CD2AP: variants seen among roughly 807,000 people sequenced by gnomAD.
CD2AP encodes the protein CD2 associated protein.
A neutral mutation model predicts 85.1 loss-of-function variants in CD2AP; 46 were observed. The ratio of observed to expected loss-of-function variants is 0.54; its 90% CI spans 0.43 to 0.69. The LOEUF (loss-of-function observed/expected upper bound fraction) is 0.69. Among genes scored for constraint, CD2AP ranks in the 30% least tolerant of loss-of-function variants. CD2AP has a pLI of 0.00. For synonymous variants in CD2AP, 255 were observed against 252.9 expected (o/e 1.01, Z -0.08); for missense variants, 769 against 729.5 (o/e 1.05, Z -0.62).
chr6:47,581,902 T>C lies in CD2AP; in HGVS notation c.1046-101T>C, dbSNP rs187630934. The C allele has an allele frequency of 1.9e-4, 153 of 792,356 alleles. No individual in the cohort carries two copies. The African/African-American group carries it at 2.4e-3, about 13-fold the overall frequency. The allele number at this position is 792,356 out of a possible 1,614,324, so 49.1% of individuals were successfully genotyped here. On this transcript the variant is annotated intron_variant, in intron 10 of 17. Transcript: ENST00000359314. ...TTCTTTCTATTAAACCATGGTTTCA[T>C]CTGATGTTATTTTTCAACTCATCTT...
chr6:47,575,292 T>C (rs1562039531), intron 6 of CD2AP, among the ~76,000 whole-genome samples: 1 of 152,178 alleles, frequency 6.6e-6, no homozygotes, highest in Non-Finnish European at 1.5e-5. Flanking sequence ...ATTCTTGGCA[T>C]TGTGATAGAA....
intron 2 of CD2AP, among the ~76,000 whole-genome samples, chr6:47,530,068 G>C (rs1305880297): frequency 6.6e-6 from 1 of 152,142 alleles, no homozygotes; most frequent in Non-Finnish European, 1.5e-5. Flanking sequence ...TTCTGTCTCA[G>C]TAGAGATGTC....
rs796676110 is a variant in CD2AP at position 47,513,157 on chromosome 6, T to C, written c.165+9717T>C. On this transcript the variant is annotated intron_variant, in intron 2 of 17. Coordinates refer to ENST00000359314, the MANE Select transcript of CD2AP (RefSeq NM_012120.3). ...AATCTGAATACCTTTTTTTTTTTTT[T>C]TTCTTCTTTTAAAGTAACCATCTGT... is the stretch of plus-strand genomic sequence containing the variant. Among the ~76,000 whole-genome samples the C allele has an allele frequency of 6.1e-3, 935 of 152,052 alleles. 10 individuals carry two copies. Among genetic ancestry groups the C allele is most frequent in the East Asian group, 0.041 (212 of 5,178 alleles).
At chr6:47,621,017 G>T (rs1433339593) in intron 17 of CD2AP, among the ~76,000 whole-genome samples, 2 of 152,080 alleles carry the variant, frequency 1.3e-5, no homozygotes, top group East Asian at 3.9e-4. Flanking sequence ...CCTCTTTATT[G>T]ATTTGGATGC....
chr6:47,541,196 T>G (rs1430073368), intron 3 of CD2AP, among the ~76,000 whole-genome samples: 5 of 152,208 alleles, frequency 3.3e-5, no homozygotes, highest in Non-Finnish European at 7.4e-5. Flanking sequence ...CGATCTCAGC[T>G]CACTGCAAGC....
At chr6:47,508,301 C>T (rs544977853) in intron 2 of CD2AP, among the ~76,000 whole-genome samples, 19 of 152,346 alleles carry the variant, frequency 1.2e-4, no homozygotes, top group African/African-American at 3.8e-4. Flanking sequence ...CTTGTTGCAG[C>T]TTCTCTGTCA....
chr6:47,552,695 A>G (rs865991032), intron 4 of CD2AP, among the ~76,000 whole-genome samples: 13 of 152,156 alleles, frequency 8.5e-5, no homozygotes, highest in African/African-American at 3.1e-4. Context: ...GGTTCCAGGT[A>G]TAGGTAATAG....
chr6:47,613,889 A>T (rs1211786902), intron 17 of CD2AP, among the ~76,000 whole-genome samples: 1 of 152,218 alleles, frequency 6.6e-6, no homozygotes, highest in East Asian at 1.9e-4. Flanking sequence ...AACTTGCTGC[A>T]GCTTCTACAT....
At chr6:47,516,063 G>T (rs986627982) in intron 2 of CD2AP, among the ~76,000 whole-genome samples, 12 of 152,138 alleles carry the variant, frequency 7.9e-5, no homozygotes, top group African/African-American at 2.9e-4. Flanking sequence ...TGGAAATTTT[G>T]CTGAAAACCA....
intron 2 of CD2AP, among the ~76,000 whole-genome samples, chr6:47,522,711 AT>A (rs1358386495): frequency 2.6e-5 from 4 of 151,972 alleles, no homozygotes; most frequent in African/African-American, 9.7e-5. Flanking sequence ...ATTTCTAGCA[AT>A]TTTTTTCTCT....
At chr6:47,511,876 A>G (rs1323349516) in intron 2 of CD2AP, among the ~76,000 whole-genome samples, 3 of 94,884 alleles carry the variant, frequency 3.2e-5, no homozygotes, top group African/African-American at 1.1e-4. Flanking sequence ...AAATACAAAA[A>G]ATTGGCCGGG....
intron 11 of CD2AP, among the ~76,000 whole-genome samples, chr6:47,583,140 T>C (rs575168292): frequency 7.9e-5 from 12 of 152,156 alleles, no homozygotes; most frequent in Admixed American, 3.9e-4. Flanking sequence ...CACAGCAAAA[T>C]TGAGCCAAAA....
intron 17 of CD2AP, among the ~76,000 whole-genome samples, chr6:47,623,227 A>G (rs1279967753): frequency 6.6e-6 from 1 of 152,220 alleles, no homozygotes; most frequent in Non-Finnish European, 1.5e-5. Context: ...CTTTTTGACT[A>G]TGGCAAAGTC....
chr6:47,522,724 C>T lies in CD2AP; in HGVS notation c.166-10878C>T, dbSNP rs150548816. ...AAATTTCTAGCAATTTTTTTCTCTT[C>T]GTTTAGAATACAGGTTTTTAAAAAA... On this transcript the variant is annotated intron_variant, in intron 2 of 17. Transcript: ENST00000359314. Among the ~76,000 whole-genome samples, 436 of 151,654 alleles carry T rather than the reference C, an allele frequency of 2.9e-3. 1 individual carries two copies. Among genetic ancestry groups the T allele is most frequent in the African/African-American group, 9.7e-3 (403 of 41,382 alleles).
At chr6:47,500,381 T>C (rs766277860) in intron 1 of CD2AP, among the ~76,000 whole-genome samples, 1 of 152,212 alleles carries the variant, frequency 6.6e-6, no homozygotes, top group African/African-American at 2.4e-5. Flanking sequence ...TATAGCTCCC[T>C]TAGGTTCTCT....
chr6:47,491,613 T>A (rs1029535873), intron 1 of CD2AP, among the ~76,000 whole-genome samples: 3 of 152,120 alleles, frequency 2.0e-5, no homozygotes, highest in Non-Finnish European at 4.4e-5. Context: ...ATACAACTTA[T>A]GCCTATTTGG....
chr6:47,571,631 G>A (rs1204593163), intron 5 of CD2AP, among the ~76,000 whole-genome samples: 1 of 152,142 alleles, frequency 6.6e-6, no homozygotes, highest in East Asian at 1.9e-4. Context: ...GTTTAGCTGA[G>A]CACCAGTCTG....
chr6:47,530,911 T>C (rs1188830955), intron 2 of CD2AP, among the ~76,000 whole-genome samples: 1 of 152,194 alleles, frequency 6.6e-6, no homozygotes, highest in African/African-American at 2.4e-5. Context: ...CCAGAACTTA[T>C]TTACAAGGTA....
intron 17 of CD2AP, among the ~76,000 whole-genome samples, chr6:47,613,799 C>A (rs1231560920): frequency 4.6e-5 from 7 of 152,236 alleles, no homozygotes; most frequent in Non-Finnish European, 1.0e-4. Flanking sequence ...ATGATATCTT[C>A]TTTCAATAGA....
Sources: gnomAD v4.1 joint callset for allele counts (sites outside exome capture counted in the v4.1 genomes callset) on GRCh38, gnomAD v4.1.1 for gene constraint, MANE v1.5 for transcripts, NCBI Gene and HGNC (gene_info 2026-07-23, HGNC 2026-07-21) for gene names.